CEACAM1: variants seen among roughly 807,000 people sequenced by gnomAD.
The protein encoded by CEACAM1 is cell adhesion molecule CEACAM1.
In CEACAM1, 31 loss-of-function variants were observed where a neutral mutation model predicts 49.1. The observed-to-expected ratio is 0.63, with a 90% CI of 0.47 to 0.85. CEACAM1 has a LOEUF of 0.85. Ranked by LOEUF, CEACAM1 falls within the 40% of genes least tolerant of loss-of-function variation. CEACAM1 has a pLI of 0.00. For synonymous variants in CEACAM1, 244 were observed against 247.8 expected (o/e 0.98, Z 0.14); for missense variants, 570 against 645.3 (o/e 0.88, Z 1.26).
intron 4 of CEACAM1, chr19:42,519,525 C>G (rs1600228813): frequency 3.0e-6 from 1 of 330,354 alleles, no homozygotes; most frequent in East Asian, 6.4e-5. Flanking sequence ...TCTCAGCGCA[C>G]AGACCGAGCA....
intron 1 of CEACAM1, 28 bp downstream of exon 1, chr19:42,528,283 G>A (rs1031157081): frequency 9.4e-6 from 15 of 1,603,050 alleles, no homozygotes; most frequent in South Asian, 6.6e-5. Context: ...CCCTCTTTCC[G>A]CCCCTTCCCA....
At chr19:42,527,507 G>T (rs1241120380) in intron 1 of CEACAM1, 107 bp from the exon 2 acceptor site, 1 of 227,266 alleles carries the variant, frequency 4.4e-6, no homozygotes, top group Non-Finnish European at 6.0e-6. Flanking sequence ...ACCTTGGAGT[G>T]TGTGTGTGTG....
intron 4 of CEACAM1, among the ~76,000 whole-genome samples, chr19:42,520,041 A>G (rs1260626391): frequency 6.6e-6 from 1 of 152,196 alleles, no homozygotes; most frequent in Non-Finnish European, 1.5e-5. Flanking sequence ...AGGATTTCCC[A>G]CTGTAAAGAG....
Position 42,509,197 on chromosome 19 carries a change from A to G in CEACAM1, c.1493T>C (p.Phe498Ser), listed in dbSNP as rs2041394799. 1.2e-6 allele frequency: 2 copies of G among 1,613,148 alleles called. No homozygotes were observed. Among genetic ancestry groups the G allele is most frequent in the Non-Finnish European group, 1.7e-6 (2 of 1,179,534 alleles). The change falls in exon 9 of 9, where the codon TTT becomes TCT. Residue 498 changes from phenylalanine to serine, a missense_variant. By Grantham distance (155) the Phe-to-Ser change is radical. Transcript: ENST00000161559. ...MNEVTYSTLN[F>S]EAQQPTQPTS... ...TGGTTGTGTGGGTTGCTGGGCTTCA[A>G]AGTTCAGGGTAGAATAAGTAACTTC...
At chr19:42,512,520 T>G (rs1395162916) in intron 5 of CEACAM1, 41 bp from the exon 6 acceptor site, 1 of 1,587,618 alleles carries the variant, frequency 6.3e-7, no homozygotes, top group Non-Finnish European at 8.6e-7. Flanking sequence ...GAAAGTGAAA[T>G]TATTTTACAA....
intron 4 of CEACAM1, among the ~76,000 whole-genome samples, chr19:42,520,012 A>G (rs1361036952): frequency 6.6e-6 from 1 of 152,134 alleles, no homozygotes; most frequent in Non-Finnish European, 1.5e-5. Context: ...TGACCTTACT[A>G]TCTGGAGTTC....
intron 2 of CEACAM1, among the ~76,000 whole-genome samples, chr19:42,526,771 G>A (rs1012414946): frequency 6.6e-6 from 1 of 152,084 alleles, no homozygotes; most frequent in Non-Finnish European, 1.5e-5. Flanking sequence ...GGAGGGTCCC[G>A]GGGGGCTAGA....
At position 42,521,566 on chromosome 19, in the gene CEACAM1, A is replaced by C. The variant is rs1346573532; in HGVS notation, c.704-45T>G. On this transcript the variant is annotated intron_variant, in intron 3 of 8. Coordinates refer to ENST00000161559, the MANE Select transcript of CEACAM1 (RefSeq NM_001712.5). ...GCCACAGGTGATGTCATCAGAGGGA[A>C]GGGGAAGCTGCTGGTCTGGAGAAGG... 5 of 1,593,126 alleles carry C rather than the reference A, an allele frequency of 3.1e-6. No homozygotes were observed. The African/African-American group carries it at 5.4e-5, about 17-fold the overall frequency.
chr19:42,509,608 C>T (rs10406800), intron 8 of CEACAM1, among the ~76,000 whole-genome samples: 2,567 of 151,650 alleles, frequency 0.017, 70 homozygotes, highest in African/African-American at 0.057. Flanking sequence ...GGTTACTCCT[C>T]TTTGGAGGGA....
rs1436001694 is a variant in CEACAM1 at position 42,521,373 on chromosome 19, G to A, written c.852C>T (p.Leu284=). 1 of 1,614,124 alleles carries A rather than the reference G, an allele frequency of 6.2e-7. No individual in the cohort carries two copies. ...NGTFQQSTQE[L]FIPNITVNNS... ...TATTCACAGTGATGTTAGGGATAAA[G>A]AGCTCTTGTGTGCTTTGCTGGAATG... The change falls in exon 4 of 9, where the codon CTC becomes CTT. Residue 284 remains leucine, a synonymous_variant. Coordinates refer to ENST00000161559, the MANE Select transcript of CEACAM1 (RefSeq NM_001712.5).
intron 6 of CEACAM1, among the ~76,000 whole-genome samples, chr19:42,511,935 A>C (rs1326598004): frequency 6.6e-6 from 1 of 150,422 alleles, no homozygotes; most frequent in East Asian, 1.9e-4. Context: ...TTTATTGTTC[A>C]AGAGGACTTT....
intron 2 of CEACAM1, among the ~76,000 whole-genome samples, chr19:42,523,024 C>T (rs1181791674): frequency 1.3e-5 from 2 of 152,186 alleles, no homozygotes; most frequent in Non-Finnish European, 2.9e-5. Context: ...AGTGTTGGGT[C>T]GTGGACAGAC....
At chr19:42,512,626 G>T in intron 5 of CEACAM1, 147 bp from the exon 6 acceptor site, 1 of 699,996 alleles carries the variant, frequency 1.4e-6, no homozygotes, top group Non-Finnish European at 2.4e-6. Context: ...AAGGTGATTA[G>T]CTAACTATAT....
chr19:42,518,104 T>C (rs2041643249), intron 5 of CEACAM1, among the ~76,000 whole-genome samples: 1 of 152,186 alleles, frequency 6.6e-6, no homozygotes, highest in South Asian at 2.1e-4. Flanking sequence ...TATTGCATGC[T>C]TCCATCTGTA....
chr19:42,526,971 G>T (rs1222235537), intron 2 of CEACAM1, 70 bp downstream of exon 2: 5 of 1,567,116 alleles, frequency 3.2e-6, no homozygotes, highest in Non-Finnish European at 4.3e-6. Context: ...CACAGCCCAG[G>T]CCTGACAATC....
intron 6 of CEACAM1, among the ~76,000 whole-genome samples, chr19:42,512,127 C>G (rs2041473264): frequency 1.3e-5 from 2 of 152,132 alleles, no homozygotes; most frequent in Non-Finnish European, 2.9e-5. Context: ...GTCTCTTCCT[C>G]TAGATTAGAT....
chr19:42,508,811 C>T lies in CEACAM1; in HGVS notation c.*298G>A. ...CTGAACAGGCAAGTTTAAAACAAGT[C>T]CAGGTTGGGAAAAGGGGAAGGGAGG... On this transcript the variant is annotated 3_prime_UTR_variant, in exon 9 of 9. Transcript: ENST00000161559. 5.7e-6 allele frequency: 2 copies of T among 353,308 alleles called. No homozygotes were observed. Among genetic ancestry groups the T allele is most frequent in the South Asian group, 5.4e-5 (2 of 36,996 alleles). 21.9% of individuals were successfully genotyped at this position (353,308 alleles called of 1,614,324 possible).
At chr19:42,520,622 G>A (rs1047571019) in intron 4 of CEACAM1, 2 of 152,134 alleles carry the variant, frequency 1.3e-5, no homozygotes, top group East Asian at 3.9e-4. Flanking sequence ...CTCTCACCTC[G>A]GCCTTCCAAA....
At chr19:42,515,066 C>G (rs1020139449) in intron 5 of CEACAM1, 2 of 667,146 alleles carry the variant, frequency 3.0e-6, no homozygotes, top group African/African-American at 3.6e-5. Flanking sequence ...CCCAGGAGTT[C>G]GAGTCCAGCC....
Sources: allele counts gnomAD v4.1 joint callset (sites outside exome capture counted in the v4.1 genomes callset), GRCh38; gene constraint gnomAD v4.1.1; transcripts MANE v1.5; gene names NCBI Gene and HGNC (gene_info 2026-07-23, HGNC 2026-07-21).